Variants in LINGO2 observed in about 807,000 individuals in gnomAD.
LINGO2 encodes leucine rich repeat and Ig domain containing 2.
A neutral mutation model predicts 30.6 loss-of-function variants in LINGO2; 14 were observed. That is an observed-to-expected ratio of 0.46 (90% CI 0.30 to 0.72). LINGO2 has a LOEUF of 0.72. Ranked by LOEUF, LINGO2 falls within the 30% of genes least tolerant of loss-of-function variation. The pLI, the probability that LINGO2 is intolerant of heterozygous loss-of-function variation, is 0.07. For missense variants in LINGO2, 729 were observed against 751.7 expected (o/e 0.97, Z 0.35); for synonymous variants, 317 against 288.5 (o/e 1.10, Z -1.00).
chr9:28,480,720 C>G (rs1390447902), intron 1 of LINGO2, among the ~76,000 whole-genome samples: 1 of 152,118 alleles, frequency 6.6e-6, no homozygotes, highest in East Asian at 1.9e-4. Flanking sequence ...AAAATGCTTT[C>G]AGGCTTTCTA....
At chr9:28,945,933 C>T in the LINGO2 span, among the ~76,000 whole-genome samples, 9 of 152,120 alleles carry the variant, frequency 5.9e-5, no homozygotes, top group Non-Finnish European at 1.2e-4. Flanking sequence ...CCTTTCACCT[C>T]CTCCCCACCA....
In LINGO2 at chr9:28,295,797, T is replaced by C. The variant is rs114868411; in HGVS notation, c.-245-431A>G. On this transcript the variant is annotated intron_variant, in intron 3 of 5. Coordinates refer to ENST00000379992, the Ensembl canonical transcript of LINGO2. ...AGCAGTTAGAGCGAAATCCACAAGA[T>C]TGTGGATCAAGGACAATTTCCTTTG... is the stretch of plus-strand genomic sequence containing the variant. 2.7e-3 allele frequency among the ~76,000 whole-genome samples: 409 copies of C among 152,210 alleles called. 4 individuals carry two copies. Among genetic ancestry groups the C allele is most frequent in the African/African-American group, 9.4e-3 (389 of 41,514 alleles).
chr9:28,949,562 A>G, the LINGO2 span, among the ~76,000 whole-genome samples: 1 of 152,210 alleles, frequency 6.6e-6, no homozygotes, highest in African/African-American at 2.4e-5. Flanking sequence ...TAAACCAGGA[A>G]GAAGTCGAAT....
chr9:28,568,009 T>C (rs1823474435), intron 1 of LINGO2, among the ~76,000 whole-genome samples: 2 of 151,890 alleles, frequency 1.3e-5, no homozygotes, highest in Admixed American at 1.3e-4. Flanking sequence ...GAGTGAGAAA[T>C]TCCTATAGAC....
intron 1 of LINGO2, among the ~76,000 whole-genome samples, chr9:28,626,486 T>A (rs1826684817): frequency 6.6e-6 from 1 of 152,122 alleles, no homozygotes; most frequent in Admixed American, 6.6e-5. Context: ...TCCCCACTCA[T>A]AAAGATTTTT....
chr9:28,048,534 C>T lies in LINGO2; in HGVS notation c.-86-36129G>A, dbSNP rs900472517. ...TCATTGCCAGTGAAAGTAAGGAATC[C>T]ATTTATTTATTTATAGTGATCTTAT... On this transcript the variant is annotated intron_variant, in intron 4 of 5. Coordinates refer to ENST00000379992, the Ensembl canonical transcript of LINGO2. Among the ~76,000 whole-genome samples, 19 of 150,492 alleles carry T rather than the reference C, an allele frequency of 1.3e-4. 2 individuals are homozygous for T. Among genetic ancestry groups the T allele is most frequent in the African/African-American group, 4.7e-4 (19 of 40,708 alleles).
chr9:28,916,813 T>G, the LINGO2 span, among the ~76,000 whole-genome samples: 2 of 152,342 alleles, frequency 1.3e-5, no homozygotes, highest in East Asian at 3.9e-4. Flanking sequence ...ACTTTTTGGT[T>G]TACAGGTTCC....
At chr9:28,449,651 C>T (rs893736620) in intron 2 of LINGO2, among the ~76,000 whole-genome samples, 3 of 151,966 alleles carry the variant, frequency 2.0e-5, no homozygotes, top group East Asian at 1.9e-4. Flanking sequence ...TATTACCATA[C>T]GACGAGTCTG....
At chr9:29,037,925 G>GA in the LINGO2 span, among the ~76,000 whole-genome samples, 2 of 151,896 alleles carry the variant, frequency 1.3e-5, no homozygotes, top group African/African-American at 4.8e-5. Flanking sequence ...AATATTAATA[G>GA]AAAAAATATC....
At chr9:28,864,481 G>C in the LINGO2 span, among the ~76,000 whole-genome samples, 1 of 152,004 alleles carries the variant, frequency 6.6e-6, no homozygotes, top group Non-Finnish European at 1.5e-5. Flanking sequence ...TTTATCTAAA[G>C]AGCAAAAAGA....
At chr9:28,611,529 ATCTC>A (rs1825915075) in intron 1 of LINGO2, among the ~76,000 whole-genome samples, 1 of 152,094 alleles carries the variant, frequency 6.6e-6, no homozygotes, top group Non-Finnish European at 1.5e-5. Flanking sequence ...TTTGAGAAAT[ATCTC>A]TCTAATTTTC....
the LINGO2 span, among the ~76,000 whole-genome samples, chr9:28,886,869 C>T: frequency 6.6e-6 from 1 of 152,032 alleles, no homozygotes; most frequent in Non-Finnish European, 1.5e-5. Flanking sequence ...TCAAACAGAA[C>T]ATTAAATGAG....
intron 2 of LINGO2, among the ~76,000 whole-genome samples, chr9:28,409,942 G>A (rs987091426): frequency 1.7e-5 from 2 of 114,496 alleles, no homozygotes; most frequent in Non-Finnish European, 3.4e-5. Flanking sequence ...GAAAGGAAGA[G>A]GGAGAAAGGC....
At chr9:28,491,642 C>T (rs1826400021) in intron 1 of LINGO2, among the ~76,000 whole-genome samples, 1 of 152,064 alleles carries the variant, frequency 6.6e-6, no homozygotes, top group Admixed American at 6.6e-5. Flanking sequence ...CATTTAAAAT[C>T]AAATGGAAAC....
At chr9:28,482,812 A>T (rs1826029387) in intron 1 of LINGO2, among the ~76,000 whole-genome samples, 1 of 152,102 alleles carries the variant, frequency 6.6e-6, no homozygotes, top group African/African-American at 2.4e-5. Flanking sequence ...CTGAAACTGG[A>T]TCCCTTCCTT....
At chr9:28,475,620 A>G (rs1263884466) in intron 2 of LINGO2, among the ~76,000 whole-genome samples, 1 of 152,166 alleles carries the variant, frequency 6.6e-6, no homozygotes, top group Non-Finnish European at 1.5e-5. Context: ...TTTATATGCA[A>G]TGTCTTAGTT....
At chr9:29,079,388 G>A in the LINGO2 span, among the ~76,000 whole-genome samples, 1 of 151,874 alleles carries the variant, frequency 6.6e-6, no homozygotes. Context: ...GAAAATGTCT[G>A]CTAAAAGGCA....
At chr9:29,202,964 T>G in the LINGO2 span, among the ~76,000 whole-genome samples, 21 of 152,276 alleles carry the variant, frequency 1.4e-4, no homozygotes, top group South Asian at 4.1e-3. Context: ...ATTTATTTCA[T>G]CAATCTTGTT....
intron 1 of LINGO2, among the ~76,000 whole-genome samples, chr9:28,636,202 T>A (rs184327906): frequency 3.3e-5 from 5 of 152,328 alleles, no homozygotes; most frequent in African/African-American, 1.2e-4. Context: ...ATATGCCACA[T>A]TTTCTTAATC....
Sources: gnomAD v4.1 joint callset for allele counts (sites outside exome capture counted in the v4.1 genomes callset) on GRCh38, gnomAD v4.1.1 for gene constraint, MANE v1.5 for transcripts, NCBI Gene and HGNC (gene_info 2026-07-23, HGNC 2026-07-21) for gene names.